The following FRYL variants were observed in gnomAD, a reference collection of about 807,000 sequenced individuals.
FRYL encodes the protein FRY like transcription coactivator.
FRYL carries 150 observed loss-of-function variants against 351.2 expected under a neutral mutation model. The observed-to-expected ratio is 0.43, with a 90% CI of 0.37 to 0.49. The LOEUF (loss-of-function observed/expected upper bound fraction) is 0.49. Among genes scored for constraint, FRYL ranks in the 20% least tolerant of loss-of-function variants. The probability of loss-of-function intolerance (pLI) is 0.00; values close to 1 mark genes in which losing one functional copy is unlikely to be tolerated. For synonymous variants in FRYL, 1,153 were observed against 1,257.1 expected (o/e 0.92, Z 1.75); for missense variants, 3,036 against 3,619.3 (o/e 0.84, Z 4.13).
chr4:48,778,480 C>T (rs778373545), intron 1 of FRYL, among the ~76,000 whole-genome samples: 2 of 152,222 alleles, frequency 1.3e-5, no homozygotes, highest in Non-Finnish European at 2.9e-5. Context: ...GAGAATAACA[C>T]ACCCACTGCT....
At chr4:48,615,349 C>G (rs1264616834) in intron 7 of FRYL, among the ~76,000 whole-genome samples, 1 of 152,154 alleles carries the variant, frequency 6.6e-6, no homozygotes, top group Non-Finnish European at 1.5e-5. Flanking sequence ...ATAATCTACT[C>G]CGTATACATA....
rs780433151 is a variant in FRYL at position 48,510,917 on chromosome 4, C to T, written c.8213G>A (p.Arg2738His). 4.0e-5 allele frequency: 65 copies of T among 1,611,630 alleles called. No individual in the cohort carries two copies. Among genetic ancestry groups the T allele is most frequent in the Non-Finnish European group, 5.3e-5 (63 of 1,178,050 alleles). The change falls in exon 58 of 64, where the codon CGC (arginine) becomes CAC (histidine). Residue 2738 changes from arginine (R) to histidine (H), a missense_variant. Arg to His is a conservative substitution (Grantham distance 29). This residue lies in a region of FRYL where 1,987 missense variants were observed against 2,311.7 expected (regional missense o/e 0.86). Transcript: ENST00000358350. The stretch of plus-strand genomic sequence containing the variant: ...GGAACTTTTAAATTTGGTACCAATG[C>T]GTTGCAGACTATCACCAAGAAAGCT... ...AVSFLGDSLQ[R>H]IGTKFKSSLE... is the part of the protein sequence containing the mutation.
intron 62 of FRYL, 45 bp downstream of exon 62, chr4:48,501,578 T>A: frequency 9.4e-7 from 1 of 1,061,882 alleles, no homozygotes; most frequent in Non-Finnish European, 1.5e-6. Context: ...ATTTTAAAAT[T>A]TTTTTAGAAT....
intron 9 of FRYL, among the ~76,000 whole-genome samples, chr4:48,606,930 A>C (rs948727673): frequency 1.3e-5 from 2 of 152,210 alleles, no homozygotes; most frequent in African/African-American, 4.8e-5. Flanking sequence ...ACAAAACGCC[A>C]CCATGTAAAT....
chr4:48,511,057 A>G, intron 57 of FRYL, 73 bp from the exon 58 acceptor site: 1 of 882,466 alleles, frequency 1.1e-6, no homozygotes, highest in Non-Finnish European at 1.8e-6. Context: ...GTAAAGAAGC[A>G]TAATAGGGTA....
chr4:48,575,759 T>C (rs544921965), intron 24 of FRYL, among the ~76,000 whole-genome samples: 95 of 152,232 alleles, frequency 6.2e-4, no homozygotes, highest in African/African-American at 2.1e-3. Flanking sequence ...TATGGGAAAA[T>C]AGGTATGACA....
At chr4:48,670,861 G>C (rs1203558647) in intron 3 of FRYL, among the ~76,000 whole-genome samples, 2 of 152,138 alleles carry the variant, frequency 1.3e-5, no homozygotes, top group Non-Finnish European at 2.9e-5. Flanking sequence ...TGGACATTTA[G>C]GTTGCTTCCA....
In FRYL at chr4:48,603,262, T is replaced by C. The variant is rs1381833355; in HGVS notation, c.933+28A>G. ...AATTACTAAAAATCCCAATTAAATA[T>C]GAAAAGGTTTGAAATGTTTCTTAAT... On this transcript the variant is annotated intron_variant, in intron 12 of 63. Transcript: ENST00000358350. 7 of 1,336,064 alleles carry C rather than the reference T, an allele frequency of 5.2e-6. 1 individual carries two copies. The highest frequency in any genetic ancestry group is 3.8e-5 in the South Asian group (3 of 79,732). 82.8% of individuals were successfully genotyped at this position (1,336,064 alleles called of 1,614,324 possible).
In FRYL at chr4:48,573,236, T is replaced by C; in HGVS notation, c.2854A>G (p.Ile952Val). Reference protein sequence around the residue: ...RTNPGAFRELIEELHPIIKEA... With the variant: ...RTNPGAFRELVEELHPIIKEA... ...TTAATTATGGGATGTAATTCCTCTA[T>C]TAGTTCCCTGGAAGAAAAATGGTAC... The change falls in exon 26 of 64, where the codon ATA becomes GTA. Residue 952 changes from isoleucine to valine, a missense_variant. Coordinates refer to ENST00000358350, the MANE Select transcript of FRYL (RefSeq NM_015030.2). The C allele has an allele frequency of 6.2e-7, 1 of 1,608,672 alleles. No homozygotes were observed. Among genetic ancestry groups the C allele is most frequent in the Non-Finnish European group, 8.5e-7 (1 of 1,175,160 alleles).
At position 48,595,979 on chromosome 4, in the gene FRYL, G is replaced by A. The variant is rs1445075320; in HGVS notation, c.1057C>T (p.Arg353Ter). 2 of 1,598,122 alleles carry A rather than the reference G, an allele frequency of 1.3e-6. No individual in the cohort carries two copies. Among genetic ancestry groups the A allele is most frequent in the Non-Finnish European group, 1.7e-6 (2 of 1,174,486 alleles). ...CTATACAAAGATTCCAGTGCAACTCGAGACATTTTCGGATCTTTATTCTGT... is the reference window on the plus strand; with the variant it reads ...CTATACAAAGATTCCAGTGCAACTCAAGACATTTTCGGATCTTTATTCTGT... Reference protein sequence around the residue: ...HLKNKDPKMSRVALESLYRLL... With the variant: ...HLKNKDPKMS The change falls in exon 14 of 64, where the codon CGA becomes TGA. Residue 353 changes from arginine to a stop codon, truncating the protein, a stop_gained. Transcript: ENST00000358350. LOFTEE classifies it high-confidence loss of function.
intron 3 of FRYL, among the ~76,000 whole-genome samples, chr4:48,681,949 G>T (rs912143866): frequency 2.6e-5 from 4 of 152,128 alleles, no homozygotes; most frequent in Non-Finnish European, 4.4e-5. Flanking sequence ...AGTATAACAA[G>T]AGAGTACAAT....
chr4:48,689,381 T>C (rs1765476725), intron 2 of FRYL, among the ~76,000 whole-genome samples: 2 of 152,224 alleles, frequency 1.3e-5, no homozygotes, highest in South Asian at 4.1e-4. Context: ...TACATTTTCA[T>C]GTTGGCACAG....
At chr4:48,606,296 A>C (rs1212137469) in intron 10 of FRYL, 142 bp downstream of exon 10, 1 of 495,948 alleles carries the variant, frequency 2.0e-6, no homozygotes, top group Non-Finnish European at 3.4e-6. Flanking sequence ...AAATTAATTT[A>C]CACTTAGAAC....
Position 48,565,707 on chromosome 4 carries a change from G to A in FRYL, c.3170-16C>T, listed in dbSNP as rs1156730868. The stretch of plus-strand genomic sequence containing the variant: ...CTCTGGTGCACTGTGAATAAAAAAA[G>A]ATAGAAAACATTTATTTCCATTTCT... On this transcript the variant is annotated splice_polypyrimidine_tract_variant and intron_variant, in intron 28 of 63. Coordinates refer to ENST00000358350, the MANE Select transcript of FRYL (RefSeq NM_015030.2). The A allele has an allele frequency of 1.2e-6, 2 of 1,600,448 alleles. No homozygotes were observed. The highest frequency in any genetic ancestry group is 1.7e-6 in the Non-Finnish European group (2 of 1,175,362).
intron 3 of FRYL, among the ~76,000 whole-genome samples, chr4:48,670,127 G>A (rs561966712): frequency 5.2e-4 from 79 of 152,016 alleles, no homozygotes; most frequent in African/African-American, 1.8e-3. Context: ...TTTTTTTAAT[G>A]TACAATTAAA....
intron 3 of FRYL, among the ~76,000 whole-genome samples, chr4:48,635,624 C>T (rs963293369): frequency 6.6e-6 from 1 of 152,210 alleles, no homozygotes; most frequent in Non-Finnish European, 1.5e-5. Context: ...CTCTGTTCTT[C>T]TGACTGCCTG....
chr4:48,674,870 A>G, intron 3 of FRYL, among the ~76,000 whole-genome samples: 1 of 152,118 alleles, frequency 6.6e-6, no homozygotes, highest in Non-Finnish European at 1.5e-5. Context: ...AAACAGATCA[A>G]GAGGTTCACT....
At chr4:48,562,317 A>T (rs1735708872) in intron 32 of FRYL, among the ~76,000 whole-genome samples, 1 of 152,170 alleles carries the variant, frequency 6.6e-6, no homozygotes, top group Non-Finnish European at 1.5e-5. Flanking sequence ...AATTCCTAAG[A>T]TGGATCTACT....
intron 1 of FRYL, among the ~76,000 whole-genome samples, chr4:48,734,782 C>T (rs1409789584): frequency 3.9e-5 from 6 of 152,118 alleles, no homozygotes; most frequent in Non-Finnish European, 8.8e-5. Flanking sequence ...TTCCCAGCAC[C>T]ATTTATTAAA....
Sources: allele counts gnomAD v4.1 joint callset (sites outside exome capture counted in the v4.1 genomes callset), GRCh38; gene constraint gnomAD v4.1.1; regional missense constraint gnomAD v4.1.1; transcripts MANE v1.5; gene names NCBI Gene and HGNC (gene_info 2026-07-23, HGNC 2026-07-21).